The following GALNT6 variants were observed in gnomAD, a reference collection of about 807,000 sequenced individuals.
The protein encoded by GALNT6 is GalNAc transferase 6.
In GALNT6, 51 loss-of-function variants were observed where a neutral mutation model predicts 65.9. That is an observed-to-expected ratio of 0.77 (90% CI 0.62 to 0.98). The LOEUF is 0.98. GALNT6 is among the 50% of genes least tolerant of loss of function. The pLI is 0.00. For synonymous variants in GALNT6, 323 were observed against 315.1 expected (o/e 1.02, Z -0.26); for missense variants, 708 against 803.3 (o/e 0.88, Z 1.43).
chr12:51,372,015 T>C (rs1947308279), intron 4 of GALNT6, among the ~76,000 whole-genome samples: 1 of 151,976 alleles, frequency 6.6e-6, no homozygotes, highest in African/African-American at 2.4e-5. Flanking sequence ...AAAGTATCTC[T>C]AGCGTCTGAA....
chr12:51,384,852 T>C (rs1041669022), intron 2 of GALNT6, among the ~76,000 whole-genome samples: 4 of 152,136 alleles, frequency 2.6e-5, no homozygotes, highest in Non-Finnish European at 5.9e-5. Flanking sequence ...GCCACTGCAC[T>C]ACAACCTAGG....
intron 2 of GALNT6, among the ~76,000 whole-genome samples, chr12:51,385,754 C>T (rs1473875755): frequency 2.4e-5 from 3 of 122,812 alleles, no homozygotes; most frequent in Non-Finnish European, 5.9e-5. Flanking sequence ...GACTCCTGGA[C>T]CAGAGAGGCC....
chr12:51,385,371 T>C (rs1322220428), intron 2 of GALNT6, among the ~76,000 whole-genome samples: 1 of 152,238 alleles, frequency 6.6e-6, no homozygotes, highest in African/African-American at 2.4e-5. Flanking sequence ...ATGATAAATT[T>C]GTTATTCAAA....
intron 2 of GALNT6, among the ~76,000 whole-genome samples, chr12:51,383,034 C>T (rs1947722182): frequency 6.6e-6 from 1 of 152,170 alleles, no homozygotes; most frequent in African/African-American, 2.4e-5. Context: ...CTCTTTTGTA[C>T]TTTGAACCCT....
chr12:51,358,005 T>G (rs564303726), intron 9 of GALNT6, 125 bp downstream of exon 9: 4 of 938,328 alleles, frequency 4.3e-6, no homozygotes, highest in Non-Finnish European at 4.8e-6. Context: ...GTCCTCCTCC[T>G]GGATAAAGGA....
In GALNT6 at chr12:51,365,536, C is replaced by T. The variant is rs776827943; in HGVS notation, c.708G>A (p.Gln236=). 1.2e-6 allele frequency: 2 copies of T among 1,613,384 alleles called. No homozygotes were observed. Among genetic ancestry groups the T allele is most frequent in the Non-Finnish European group, 1.7e-6 (2 of 1,179,994 alleles). Residue 236 remains glutamine (Q), a synonymous_variant, in exon 5 of 12, where the codon CAG becomes CAA. Coordinates refer to ENST00000356317, the MANE Select transcript of GALNT6 (RefSeq NM_007210.4). ...CCTCCTGCCGCACCACCCTCACCAC[C>T]TGCAGCTGCTTCACGTACTGCTCCA... The part of the protein sequence containing the change: ...EKLEQYVKQL[Q]VVRVVRQEER...
Position 51,354,253 on chromosome 12 carries a change from G to A in GALNT6, c.*126C>T. The A allele has an allele frequency of 5.3e-6, 3 of 569,404 alleles. No homozygotes were observed. Among genetic ancestry groups the A allele is most frequent in the Non-Finnish European group, 9.2e-6 (3 of 326,884 alleles). 35.3% of individuals were successfully genotyped at this position (569,404 alleles called of 1,614,324 possible). On this transcript the variant is annotated 3_prime_UTR_variant, in exon 12 of 12. Transcript: ENST00000356317. Reference sequence around the variant, plus strand: ...GCAAGGATTAGGAAGGTCCTGCCTTGCCACCCAGTGGGTTTAGAAATCCAT... The same window carrying A: ...GCAAGGATTAGGAAGGTCCTGCCTTACCACCCAGTGGGTTTAGAAATCCAT...
chr12:51,363,423 C>T (rs774886256), intron 6 of GALNT6, among the ~76,000 whole-genome samples: 20 of 151,926 alleles, frequency 1.3e-4, no homozygotes, highest in Non-Finnish European at 2.4e-4. Flanking sequence ...AATCTGGCTG[C>T]CTGGTTTTAG....
intron 11 of GALNT6, 100 bp from the exon 12 acceptor site, chr12:51,354,592 A>G (rs1157525373): frequency 1.4e-6 from 1 of 691,864 alleles, no homozygotes; most frequent in Admixed American, 3.4e-5. Flanking sequence ...AGCCAAGGGA[A>G]CCCCACAAGG....
intron 3 of GALNT6, among the ~76,000 whole-genome samples, chr12:51,378,258 G>A (rs939556292): frequency 1.3e-5 from 2 of 152,116 alleles, no homozygotes; most frequent in African/African-American, 2.4e-5. Context: ...AGGTTCAAGC[G>A]ATTCTTGTCC....
intron 3 of GALNT6, among the ~76,000 whole-genome samples, 153 bp downstream of exon 3, chr12:51,379,138 C>T (rs1947568856): frequency 6.6e-6 from 1 of 152,230 alleles, no homozygotes; most frequent in South Asian, 2.1e-4. Context: ...CACAGTTGTT[C>T]TGGGAAAGAA....
intron 9 of GALNT6, among the ~76,000 whole-genome samples, 156 bp from the exon 10 acceptor site, chr12:51,357,606 A>G (rs778629204): frequency 5.3e-5 from 8 of 152,202 alleles, no homozygotes; most frequent in Non-Finnish European, 1.2e-4. Context: ...GCGTTAACCC[A>G]CATGCCTGGA....
At chr12:51,358,588 A>G (rs764888203) in intron 8 of GALNT6, among the ~76,000 whole-genome samples, 6 of 152,100 alleles carry the variant, frequency 3.9e-5, no homozygotes, top group Non-Finnish European at 7.4e-5. Flanking sequence ...GGCGTGAGCC[A>G]CCACACCCAG....
At chr12:51,365,652 A>G (rs1947079174) in intron 4 of GALNT6, 73 bp from the exon 5 acceptor site, 1 of 1,470,884 alleles carries the variant, frequency 6.8e-7, no homozygotes, top group African/African-American at 1.4e-5. Flanking sequence ...GCACCAAGCT[A>G]GGGGCTCTCA....
intron 3 of GALNT6, 57 bp from the exon 4 acceptor site, chr12:51,377,424 G>T: frequency 6.7e-7 from 1 of 1,501,206 alleles, no homozygotes. Context: ...ACCAGGTGTG[G>T]GGAGGGCCCC....
chr12:51,378,158 C>A (rs758084090), intron 3 of GALNT6, among the ~76,000 whole-genome samples: 8 of 152,026 alleles, frequency 5.3e-5, no homozygotes, highest in Non-Finnish European at 1.0e-4. Context: ...GCTCTTCTCT[C>A]TGTCTGTTTT....
Position 51,379,872 on chromosome 12 carries a change from C to T in GALNT6, c.-91G>A, listed in dbSNP as rs1243194110. The T allele has an allele frequency of 7.7e-7, 1 of 1,301,762 alleles. No individual in the cohort carries two copies. The highest frequency in any genetic ancestry group is 1.0e-6 in the Non-Finnish European group (1 of 966,386). 80.6% of individuals were successfully genotyped at this position (1,301,762 alleles called of 1,614,324 possible). On this transcript the variant is annotated 5_prime_UTR_variant, in exon 3 of 12. Transcript: ENST00000356317. ...CTTGATACGTTGTGGTGGCCACAAG[C>T]TGGGGCCTCAGCCTGAGAAAGGAGG... is the stretch of plus-strand genomic sequence containing the variant.
At chr12:51,365,003 C>T (rs951915563) in intron 5 of GALNT6, among the ~76,000 whole-genome samples, 11 of 152,166 alleles carry the variant, frequency 7.2e-5, no homozygotes, top group Non-Finnish European at 1.5e-4. Flanking sequence ...ATATTTCATC[C>T]TCCACAACAG....
At chr12:51,388,843 A>C (rs937665373) in intron 2 of GALNT6, among the ~76,000 whole-genome samples, 1 of 152,130 alleles carries the variant, frequency 6.6e-6, no homozygotes, top group Non-Finnish European at 1.5e-5. Context: ...TCTGTTCTTC[A>C]TTCTCTATTA....
Sources: gnomAD v4.1 joint callset for allele counts (sites outside exome capture counted in the v4.1 genomes callset) on GRCh38, gnomAD v4.1.1 for gene constraint, MANE v1.5 for transcripts, NCBI Gene and HGNC (gene_info 2026-07-23, HGNC 2026-07-21) for gene names.